Variants in KDM7A observed in about 807,000 individuals in gnomAD.
KDM7A encodes the protein lysine-specific demethylase 7A.
Under a neutral mutation model 114.8 loss-of-function variants are expected in KDM7A, and 28 were observed. The observed-to-expected ratio is 0.24, with a 90% confidence interval of 0.18 to 0.33. The LOEUF (loss-of-function observed/expected upper bound fraction) is 0.33, where lower values mean the gene tolerates loss of function less well. KDM7A is among the 10% of genes least tolerant of loss of function. The pLI is 1.00. For missense variants in KDM7A, 942 were observed against 1,142.5 expected, an observed-to-expected ratio of 0.82 and a Z score of 2.53; for synonymous variants, 423 against 397.8, an observed-to-expected ratio of 1.06 and a Z score of -0.75.
At chr7:140,173,601 TG>T (rs1421563602) in intron 1 of KDM7A, among the ~76,000 whole-genome samples, 1 of 152,186 alleles carries the variant, frequency 6.6e-6, no homozygotes, top group Non-Finnish European at 1.5e-5. Flanking sequence ...ACCCAGGCAA[TG>T]GCAATTCTCT....
At chr7:140,152,183 A>G (rs955860112) in intron 1 of KDM7A, among the ~76,000 whole-genome samples, 1 of 152,126 alleles carries the variant, frequency 6.6e-6, no homozygotes, top group African/African-American at 2.4e-5. Flanking sequence ...CTAAGGCAAC[A>G]TTCTAAGGAG....
At chr7:140,169,044 GAGAAGGCCTAGAAACA>G (rs1159481847) in intron 1 of KDM7A, among the ~76,000 whole-genome samples, 4 of 152,132 alleles carry the variant, frequency 2.6e-5, no homozygotes, top group African/African-American at 7.2e-5. Context: ...TCTGTCCTCT[GAGAAGGCCTAGAAACA>G]ATGAGCCCAC....
At chr7:140,152,767 A>C (rs972920445) in intron 1 of KDM7A, among the ~76,000 whole-genome samples, 3 of 152,244 alleles carry the variant, frequency 2.0e-5, no homozygotes, top group Non-Finnish European at 4.4e-5. Flanking sequence ...GGCAATATGT[A>C]AAGTACATAA....
intron 1 of KDM7A, among the ~76,000 whole-genome samples, chr7:140,162,918 T>C (rs1264713584): frequency 1.3e-5 from 2 of 151,982 alleles, no homozygotes; most frequent in African/African-American, 4.8e-5. Context: ...GAGATATCTG[T>C]ACATGCTGAT....
In KDM7A at chr7:140,176,646, C is replaced by A. The variant is rs1306509538; in HGVS notation, c.194+98G>T. ...GGCCCCCTGAAAGCTGGGCGCGGCG[C>A]GGCGGCCCGGCCCGAGGGAGGCGCG... is the stretch of plus-strand genomic sequence containing the variant. On this transcript the variant is annotated intron_variant, in intron 1 of 19. Coordinates refer to ENST00000397560, the MANE Select transcript of KDM7A (RefSeq NM_030647.2). This position sits in a 1 kb window ranked among gnomAD's most constrained non-coding sequence, Gnocchi z 4.4. 1.1e-6 allele frequency: 1 copy of A among 894,016 alleles called. No individual in the cohort carries two copies. The highest frequency in any genetic ancestry group is 1.3e-6 in the Non-Finnish European group (1 of 741,972). 55.4% of individuals were successfully genotyped at this position (894,016 alleles called of 1,614,324 possible). A position where few individuals can be genotyped will look rare whatever the true frequency, so the allele number is the denominator to read the frequency against.
At chr7:140,127,114 C>T (rs1373993594) in intron 5 of KDM7A, among the ~76,000 whole-genome samples, 1 of 152,128 alleles carries the variant, frequency 6.6e-6, no homozygotes, top group Non-Finnish European at 1.5e-5. Context: ...GCATGTGCCA[C>T]CATGCCCAGC....
chr7:140,158,953 G>A (rs6970784), intron 1 of KDM7A, among the ~76,000 whole-genome samples: 52,413 of 152,060 alleles, frequency 0.34, 9,288 homozygotes, highest in Middle Eastern at 0.43. Flanking sequence ...GGAACAACCT[G>A]GTGAATTTTG....
At chr7:140,173,299 T>A (rs770777173) in intron 1 of KDM7A, among the ~76,000 whole-genome samples, 14 of 152,154 alleles carry the variant, frequency 9.2e-5, no homozygotes, top group Non-Finnish European at 1.9e-4. Context: ...AAGTGTTCTT[T>A]TCTCACTTGC....
chr7:140,136,371 T>C (rs1435460986), intron 2 of KDM7A, among the ~76,000 whole-genome samples: 1 of 152,214 alleles, frequency 6.6e-6, no homozygotes. Flanking sequence ...AAGGATACAA[T>C]TGTCCTGTTG....
chr7:140,137,845 C>G (rs1348986712), intron 2 of KDM7A, among the ~76,000 whole-genome samples: 1 of 152,040 alleles, frequency 6.6e-6, no homozygotes, highest in Non-Finnish European at 1.5e-5. Context: ...AATGTCTACT[C>G]TATTGGAAAA....
At chr7:140,107,601 CCA>C (rs1340271183) in intron 11 of KDM7A, among the ~76,000 whole-genome samples, 1 of 152,180 alleles carries the variant, frequency 6.6e-6, no homozygotes, top group Non-Finnish European at 1.5e-5. Context: ...ATATTGGCCC[CCA>C]CTCTCTTCTG....
chr7:140,150,918 T>A (rs1221602649), intron 1 of KDM7A, among the ~76,000 whole-genome samples: 1 of 146,926 alleles, frequency 6.8e-6, no homozygotes, highest in Non-Finnish European at 1.5e-5. Context: ...AACCTCCGCC[T>A]CCCAGGTTCA....
chr7:140,130,584 G>A (rs1818768705), intron 3 of KDM7A, among the ~76,000 whole-genome samples: 1 of 151,930 alleles, frequency 6.6e-6, no homozygotes, highest in Non-Finnish European at 1.5e-5. Context: ...TCTCACCATT[G>A]CACTCCAGCC....
chr7:140,116,503 G>T (rs1185382908), intron 9 of KDM7A, among the ~76,000 whole-genome samples: 2 of 152,166 alleles, frequency 1.3e-5, no homozygotes, highest in Non-Finnish European at 2.9e-5. Context: ...CAGGATAATG[G>T]TTATCTCTAG....
rs1025123196 is a variant in KDM7A at position 140,176,289 on chromosome 7, C to T, written c.194+455G>A. ...CATCGCCGCCCGGAAGGAAGGCAGG[C>T]GCGTCGGCCGGCCGGGCAGAGCGGC... is the stretch of plus-strand genomic sequence containing the variant. On this transcript the variant is annotated intron_variant, in intron 1 of 19. Coordinates refer to ENST00000397560, the MANE Select transcript of KDM7A (RefSeq NM_030647.2). The surrounding 1 kb of genome is among the most constrained non-coding windows in gnomAD (Gnocchi z 4.4). 3.4e-5 allele frequency among the ~76,000 whole-genome samples: 5 copies of T among 148,466 alleles called. No individual in the cohort carries two copies. The Admixed American group carries it at 3.4e-4, about 10-fold the overall frequency.
chr7:140,091,354 T>C (rs1036927765), intron 19 of KDM7A, among the ~76,000 whole-genome samples, 166 bp from the exon 20 acceptor site: 1 of 152,176 alleles, frequency 6.6e-6, no homozygotes, highest in African/African-American at 2.4e-5. Flanking sequence ...TTCCACCTCA[T>C]CACACTAGGC....
intron 11 of KDM7A, among the ~76,000 whole-genome samples, chr7:140,110,050 T>C (rs1818406829): frequency 1.3e-5 from 2 of 152,214 alleles, no homozygotes; most frequent in African/African-American, 4.8e-5. Context: ...CATCCTGAAC[T>C]GGCTGCTCTC....
intron 9 of KDM7A, among the ~76,000 whole-genome samples, chr7:140,118,155 T>C (rs1008387436): frequency 2.6e-5 from 4 of 152,252 alleles, no homozygotes; most frequent in African/African-American, 7.2e-5. Flanking sequence ...TTGTCAATTA[T>C]AATAGTAGCA....
At chr7:140,098,036 C>T (rs1050735588) in intron 14 of KDM7A, among the ~76,000 whole-genome samples, 2 of 152,202 alleles carry the variant, frequency 1.3e-5, no homozygotes, top group Non-Finnish European at 2.9e-5. Context: ...ACGTAAAACG[C>T]ATTCACGTAG....
Sources: allele counts gnomAD v4.1 joint callset (sites outside exome capture counted in the v4.1 genomes callset), GRCh38; gene constraint gnomAD v4.1.1; non-coding constraint Gnocchi (gnomAD v3.1); transcripts MANE v1.5; gene names NCBI Gene and HGNC (gene_info 2026-07-23, HGNC 2026-07-21).